The following SLC51B variants were observed in gnomAD, a reference collection of about 807,000 sequenced individuals.
The protein encoded by SLC51B is SLC51 subunit beta, also known as organic solute transporter subunit beta.
In SLC51B, 6 loss-of-function variants were observed where a neutral mutation model predicts 8.0. The observed-to-expected ratio is 0.75, with a 90% CI of 0.41 to 1.48. The LOEUF (loss-of-function observed/expected upper bound fraction) is 1.48. SLC51B is among the 40% of genes most tolerant of loss of function. The pLI is 0.01. For synonymous variants in SLC51B, 61 were observed against 54.8 expected (o/e 1.11, Z -0.50); for missense variants, 150 against 149.7 (o/e 1.00, Z -0.01).
At chr15:65,048,618 CTT>C (rs2086606510) in intron 1 of SLC51B, among the ~76,000 whole-genome samples, 2 of 152,340 alleles carry the variant, frequency 1.3e-5, no homozygotes, top group South Asian at 4.1e-4. Context: ...AAACACTTCT[CTT>C]GTTTTATTTT....
In SLC51B at chr15:65,050,836, C is replaced by CTT. The variant is rs57404080; in HGVS notation, c.98-663_98-662dup. On this transcript the variant is annotated intron_variant, in intron 2 of 3. Transcript: ENST00000334287. ...TTTTTTTTTCTTTCTTCTTCTTCTTCTTTTTTTTTTTTTTTTTGCCTTTTT... is the reference window on the plus strand; with the variant it reads ...TTTTTTTTTCTTTCTTCTTCTTCTTCTTTTTTTTTTTTTTTTTTTGCCTTTTT... Among the ~76,000 whole-genome samples, 739 of 95,616 alleles carry CTT rather than the reference C, an allele frequency of 7.7e-3. 10 individuals carry two copies. Among genetic ancestry groups the CTT allele is most frequent in the Non-Finnish European group, 0.011 (605 of 53,464 alleles). The allele number at this position is 95,616 out of a possible 152,430, so 62.7% of individuals were successfully genotyped here.
At position 65,045,593 on chromosome 15, in the gene SLC51B, T is replaced by G. The variant is rs1295427250; in HGVS notation, c.-109+11T>G. 2 of 152,294 alleles carry G rather than the reference T, an allele frequency of 1.3e-5. No homozygotes were observed. The highest frequency in any genetic ancestry group is 4.8e-5 in the African/African-American group (2 of 41,470). 9.4% of individuals were successfully genotyped at this position (152,294 alleles called of 1,614,324 possible). A position where few individuals can be genotyped will look rare whatever the true frequency, so the allele number is the denominator to read the frequency against. On this transcript the variant is annotated intron_variant, in intron 1 of 3. Coordinates refer to ENST00000334287, the MANE Select transcript of SLC51B (RefSeq NM_178859.4). ...AACTCAGGATCCGGGGTGAGTGTCC[T>G]CATCTTGCCTTGGGGATGGGTGGCC...
In SLC51B at chr15:65,050,011, C is replaced by A. The variant is rs1048878741; in HGVS notation, c.7C>A (p.His3Asn). The A allele has an allele frequency of 2.6e-6, 4 of 1,550,986 alleles. No individual in the cohort carries two copies. Among genetic ancestry groups the A allele is most frequent in the Non-Finnish European group, 3.5e-6 (4 of 1,146,624 alleles). Residue 3 changes from histidine (H) to asparagine (N), a missense_variant, in exon 2 of 4, where the codon CAC (histidine) becomes AAC (asparagine). Coordinates refer to ENST00000334287, the MANE Select transcript of SLC51B (RefSeq NM_178859.4). ...CGCTACCAGGAGCAGGGGCATGGAG[C>A]ACAGTGAGGGGGCTCCCGGAGACCC... is the stretch of plus-strand genomic sequence containing the variant. ME[H>N]SEGAPGDPAG... is the part of the protein sequence containing the mutation.
At chr15:65,051,271 A>G (rs1043443547) in intron 2 of SLC51B, among the ~76,000 whole-genome samples, 8 of 152,076 alleles carry the variant, frequency 5.3e-5, no homozygotes, top group African/African-American at 1.9e-4. Context: ...TTGCCCCACT[A>G]TTATTTAACT....
At chr15:65,049,366 G>A (rs1238896826) in intron 1 of SLC51B, 2 of 151,694 alleles carry the variant, frequency 1.3e-5, no homozygotes, top group Non-Finnish European at 2.9e-5. Context: ...TCTCGGGGTC[G>A]GGGCAGGGGG....
chr15:65,047,510 C>T (rs905198213), intron 1 of SLC51B, among the ~76,000 whole-genome samples: 3 of 152,146 alleles, frequency 2.0e-5, no homozygotes, highest in Non-Finnish European at 4.4e-5. Flanking sequence ...CATCCCACAC[C>T]CTAGAAGAAG....
rs1437106795 is a variant in SLC51B, at chr15:65,050,825, TTC to T, written c.98-688_98-687del. Among the ~76,000 whole-genome samples the T allele has an allele frequency of 2.1e-4, 16 of 77,018 alleles. 1 individual carries two copies. Among genetic ancestry groups the T allele is most frequent in the African/African-American group, 5.7e-4 (15 of 26,444 alleles). 50.5% of individuals were successfully genotyped at this position (77,018 alleles called of 152,430 possible). A position where few individuals can be genotyped will look rare whatever the true frequency, so the allele number is the denominator to read the frequency against. On this transcript the variant is annotated intron_variant, in intron 2 of 3. Transcript: ENST00000334287. ...TCTTTCTTTCCTTTTTTTTTCTTTCTTCTTCTTCTTCTTTTTTTTTTTTTTTT... is the reference window on the plus strand; with the variant it reads ...TCTTTCTTTCCTTTTTTTTTCTTTCTTTCTTCTTCTTTTTTTTTTTTTTTT...
Position 65,051,562 on chromosome 15 carries a change from A to C in SLC51B, c.145A>C (p.Ile49Leu). 1.2e-6 allele frequency: 2 copies of C among 1,613,566 alleles called. No homozygotes were observed. The highest frequency in any genetic ancestry group is 1.7e-6 in the Non-Finnish European group (2 of 1,179,770). ...SILALAAVVV[I>L]ISMVLLGRSI... ...CCTTGCCCTGGCAGCTGTGGTGGTC[A>C]TTATAAGCATGGTCCTCCTGGGAAG... Residue 49 changes from isoleucine (I) to leucine (L), a missense_variant, in exon 3 of 4, where the codon ATT (isoleucine) becomes CTT (leucine). By Grantham distance (5) the Ile-to-Leu change is conservative. Transcript: ENST00000334287.
At chr15:65,052,862 C>T (rs1248890310) in intron 3 of SLC51B, 104 bp from the exon 4 acceptor site, 41 of 1,025,500 alleles carry the variant, frequency 4.0e-5, no homozygotes, top group Non-Finnish European at 6.0e-5. Flanking sequence ...AGCTCCCAAA[C>T]TGCATAGAGA....
At chr15:65,050,836 CT>C (rs57404080) in intron 2 of SLC51B, among the ~76,000 whole-genome samples, 18 of 95,632 alleles carry the variant, frequency 1.9e-4, no homozygotes, top group Admixed American at 2.7e-4. Context: ...TCTTCTTCTT[CT>C]TTTTTTTTTT....
At chr15:65,052,873 A>C in intron 3 of SLC51B, 93 bp from the exon 4 acceptor site, 1 of 1,176,302 alleles carries the variant, frequency 8.5e-7, no homozygotes, top group Non-Finnish European at 1.2e-6. Flanking sequence ...TGCATAGAGA[A>C]TTTTCCCCTT....
At chr15:65,046,911 TCAAAAAA>T (rs1406551389) in intron 1 of SLC51B, among the ~76,000 whole-genome samples, 1 of 150,280 alleles carries the variant, frequency 6.7e-6, no homozygotes, top group Admixed American at 6.6e-5. Context: ...AGACTCTGTC[TCAAAAAA>T]CAAAAAACAA....
chr15:65,050,825 T>TTCC (rs2086640505), intron 2 of SLC51B, among the ~76,000 whole-genome samples: 1 of 76,952 alleles, frequency 1.3e-5, no homozygotes, highest in Non-Finnish European at 3.0e-5. Context: ...TTTTTCTTTC[T>TTCC]TCTTCTTCTT....
chr15:65,050,126 G>C (rs374555704), intron 2 of SLC51B, 25 bp downstream of exon 2: 38 of 1,538,782 alleles, frequency 2.5e-5, no homozygotes, highest in Non-Finnish European at 3.2e-5. Flanking sequence ...ATTGACGGCA[G>C]GGGTGGGGGT....
At chr15:65,051,123 C>T (rs887992482) in intron 2 of SLC51B, among the ~76,000 whole-genome samples, 28 of 152,128 alleles carry the variant, frequency 1.8e-4, no homozygotes, top group Non-Finnish European at 3.7e-4. Flanking sequence ...GGATTATAGG[C>T]GTGAGCCACT....
intron 3 of SLC51B, 113 bp from the exon 4 acceptor site, chr15:65,052,853 G>T (rs1016259116): frequency 3.3e-6 from 3 of 896,640 alleles, no homozygotes; most frequent in Non-Finnish European, 5.2e-6. Context: ...TCCTCTAGTA[G>T]CTCCCAAACT....
chr15:65,051,685 GGTC>G (rs2086655243), intron 3 of SLC51B, 80 bp downstream of exon 3: 2 of 1,355,406 alleles, frequency 1.5e-6, no homozygotes, highest in Middle Eastern at 1.8e-4. Context: ...TCTAGAGAGG[GGTC>G]ACTTAGGGGT....
Position 65,049,907 on chromosome 15 carries a change from G to A in SLC51B, c.-98G>A. 3.6e-6 allele frequency: 3 copies of A among 830,370 alleles called. No homozygotes were observed. The highest frequency in any genetic ancestry group is 3.7e-6 in the Non-Finnish European group (2 of 547,558). The allele number at this position is 830,370 out of a possible 1,614,324, so 51.4% of individuals were successfully genotyped here. On this transcript the variant is annotated 5_prime_UTR_variant, in exon 2 of 4. Transcript: ENST00000334287. ...CTGCTTTGTTTCCAGGGGTCTTCAC[G>A]GCTTCTCTGCCCAGGGGCCAGAACC...
chr15:65,049,082 T>A (rs1318363626), intron 1 of SLC51B: 2 of 151,918 alleles, frequency 1.3e-5, no homozygotes, highest in East Asian at 3.9e-4. Context: ...TTGTCAAAAT[T>A]AATTTTACCT....
Sources: allele counts gnomAD v4.1 joint callset (sites outside exome capture counted in the v4.1 genomes callset), GRCh38; gene constraint gnomAD v4.1.1; transcripts MANE v1.5; gene names NCBI Gene and HGNC (gene_info 2026-07-23, HGNC 2026-07-21).